SFI1: variants seen among roughly 807,000 people sequenced by gnomAD.
The protein encoded by SFI1 is SFI1 centrin binding protein.
SFI1 carries 195 observed loss-of-function variants against 207.5 expected under a neutral mutation model. The ratio of observed to expected loss-of-function variants is 0.94; its 90% CI spans 0.84 to 1.06. The LOEUF is 1.06. Ranked by LOEUF, SFI1 falls within the 50% of genes least tolerant of loss-of-function variation. The pLI is 0.00. For synonymous variants in SFI1, 630 were observed against 598.9 expected, an observed-to-expected ratio of 1.05 and a Z score of -0.76; for missense variants, 1,634 against 1,588.0, an observed-to-expected ratio of 1.03 and a Z score of -0.49.
intron 31 of SFI1, among the ~76,000 whole-genome samples, 196 bp from the exon 32 acceptor site, chr22:31,617,919 G>T (rs182890722): frequency 6.6e-6 from 1 of 152,124 alleles, no homozygotes; most frequent in Non-Finnish European, 1.5e-5. Context: ...TGGGGAGGGC[G>T]GAGGAGACTG....
intron 5 of SFI1, among the ~76,000 whole-genome samples, chr22:31,547,732 G>T (rs764844704): frequency 6.6e-6 from 1 of 151,466 alleles, no homozygotes; most frequent in Non-Finnish European, 1.5e-5. Context: ...TGATTCTCCT[G>T]CCTGAGCCTC....
rs1247799333 is a variant in SFI1 at position 31,611,124 on chromosome 22, T to A, written c.2255-19T>A. 6.2e-7 allele frequency: 1 copy of A among 1,614,170 alleles called. No individual in the cohort carries two copies. Among genetic ancestry groups the A allele is most frequent in the Non-Finnish European group, 8.5e-7 (1 of 1,180,034 alleles). ...GGAAATCCCACAAAACAGCAAACTCTGACTTGGATCTGCCTTAGGCTGTCT... is the reference window on the plus strand; with the variant it reads ...GGAAATCCCACAAAACAGCAAACTCAGACTTGGATCTGCCTTAGGCTGTCT... On this transcript the variant is annotated intron_variant, in intron 22 of 32. Coordinates refer to ENST00000400288, the MANE Select transcript of SFI1 (RefSeq NM_001007467.3).
intron 15 of SFI1, among the ~76,000 whole-genome samples, chr22:31,594,310 G>A (rs1039589892): frequency 6.6e-6 from 1 of 152,254 alleles, no homozygotes; most frequent in Non-Finnish European, 1.5e-5. Context: ...AGCACTTTGG[G>A]AGGCCGGAGC....
chr22:31,615,481 C>G, intron 29 of SFI1: 2 of 447,380 alleles, frequency 4.5e-6, no homozygotes, highest in Non-Finnish European at 7.7e-6. Context: ...CCCTGCCATC[C>G]TGAAGCTTAT....
chr22:31,507,662 A>T (rs1257069554), intron 1 of SFI1, among the ~76,000 whole-genome samples: 1 of 152,200 alleles, frequency 6.6e-6, no homozygotes, highest in African/African-American at 2.4e-5. Context: ...AGATAAAAAC[A>T]GCCCCATTAA....
chr22:31,581,447 C>T (rs1271238396), intron 12 of SFI1, among the ~76,000 whole-genome samples: 2 of 152,032 alleles, frequency 1.3e-5, no homozygotes, highest in African/African-American at 4.8e-5. Context: ...CACCACCAAG[C>T]CCAGCTAATT....
At chr22:31,579,640 C>G (rs976550137) in intron 11 of SFI1, among the ~76,000 whole-genome samples, 1 of 152,190 alleles carries the variant, frequency 6.6e-6, no homozygotes, top group South Asian at 2.1e-4. Context: ...TTTATACAGA[C>G]GGAGTCTCCT....
chr22:31,559,921 C>G, intron 7 of SFI1: 1 of 594,478 alleles, frequency 1.7e-6, no homozygotes, highest in South Asian at 1.7e-5. Context: ...GTACCATGGG[C>G]GGGTCCAAGA....
chr22:31,591,375 A>C (rs866098684), intron 15 of SFI1, among the ~76,000 whole-genome samples: 1 of 152,178 alleles, frequency 6.6e-6, no homozygotes, highest in East Asian at 1.9e-4. Flanking sequence ...TCCCTTCCAC[A>C]CAGACACGGC....
At chr22:31,499,562 C>T (rs1298444841) in intron 1 of SFI1, among the ~76,000 whole-genome samples, 2 of 152,110 alleles carry the variant, frequency 1.3e-5, no homozygotes, top group Non-Finnish European at 2.9e-5. Context: ...ATTACATAAA[C>T]TTAGTTGACA....
intron 15 of SFI1, among the ~76,000 whole-genome samples, chr22:31,598,215 G>A (rs2146844322): frequency 6.6e-6 from 1 of 151,872 alleles, no homozygotes; most frequent in South Asian, 2.1e-4. Flanking sequence ...TGGATCTCCT[G>A]ACCTCATGAT....
chr22:31,589,643 GC>G, intron 15 of SFI1, 66 bp downstream of exon 15: 1 of 1,523,714 alleles, frequency 6.6e-7, no homozygotes, highest in African/African-American at 1.4e-5. Context: ...CAACCACACA[GC>G]CCATTTGCTG....
rs572117067 is a variant in SFI1 at position 31,525,388 on chromosome 22, T to A, written c.93-3302T>A. Among the ~76,000 whole-genome samples the A allele has an allele frequency of 7.2e-5, 11 of 152,190 alleles. No homozygotes were observed. The East Asian group carries it at 2.1e-3, about 29-fold the overall frequency. ...GATACTCACTTTTCCCAGCACCATT[T>A]ATTAAGGAGGGTGTCCTTTCCCCAA... On this transcript the variant is annotated intron_variant, in intron 2 of 32. Coordinates refer to ENST00000400288, the MANE Select transcript of SFI1 (RefSeq NM_001007467.3).
intron 4 of SFI1, among the ~76,000 whole-genome samples, chr22:31,544,361 A>G (rs1469161013): frequency 1.3e-5 from 2 of 152,148 alleles, no homozygotes; most frequent in Non-Finnish European, 2.9e-5. Flanking sequence ...ATTATTAGGC[A>G]TTTACTTATT....
At chr22:31,554,040 G>T (rs2060919555) in intron 6 of SFI1, among the ~76,000 whole-genome samples, 1 of 150,806 alleles carries the variant, frequency 6.6e-6, no homozygotes. Context: ...GTCTTGCTTT[G>T]TTGCCCAGGC....
At chr22:31,602,369 C>T (rs1300980924) in intron 16 of SFI1, 76 bp downstream of exon 16, 1 of 1,452,778 alleles carries the variant, frequency 6.9e-7, no homozygotes, top group Admixed American at 1.7e-5. Flanking sequence ...GCCTCCCCTC[C>T]TCAGGAAGTT....
At chr22:31,562,615 C>CT (rs1007850018) in intron 8 of SFI1, among the ~76,000 whole-genome samples, 2 of 148,348 alleles carry the variant, frequency 1.3e-5, no homozygotes, top group Non-Finnish European at 3.0e-5. Context: ...TATAGTGAAG[C>CT]TTAGAGCCAG....
At chr22:31,553,858 T>TG (rs2060894223) in intron 6 of SFI1, among the ~76,000 whole-genome samples, 1 of 124,502 alleles carries the variant, frequency 8.0e-6, no homozygotes, top group Non-Finnish European at 1.7e-5. Flanking sequence ...TTTTTTTTTT[T>TG]TTTTTTTTTT....
chr22:31,568,213 TATATATATATATA>T (rs1489580515), intron 8 of SFI1, among the ~76,000 whole-genome samples: 2 of 136,082 alleles, frequency 1.5e-5, no homozygotes, highest in African/African-American at 5.7e-5. Flanking sequence ...TGTGTGTGTA[TATATATATATATA>T]TTTTTTTTTT....
Sources: gnomAD v4.1 joint callset for allele counts (sites outside exome capture counted in the v4.1 genomes callset) on GRCh38, gnomAD v4.1.1 for gene constraint, MANE v1.5 for transcripts, NCBI Gene and HGNC (gene_info 2026-07-23, HGNC 2026-07-21) for gene names.